DDI2: variants seen among roughly 807,000 people sequenced by gnomAD.
The protein encoded by DDI2 is DDI proteasomal shuttling factor 2.
In DDI2, 5 loss-of-function variants were observed where a neutral mutation model predicts 48.1. The ratio of observed to expected loss-of-function variants is 0.10; its 90% CI spans 0.05 to 0.22. DDI2 has a LOEUF of 0.22. Among genes scored for constraint, DDI2 ranks in the 10% least tolerant of loss-of-function variants. DDI2 has a pLI of 1.00. For synonymous variants in DDI2, 205 were observed against 183.6 expected (o/e 1.12, Z -0.94); for missense variants, 285 against 506.2 (o/e 0.56, Z 4.19).
chr1:15,621,643 C>T (rs1639669260), intron 1 of DDI2, among the ~76,000 whole-genome samples: 1 of 152,180 alleles, frequency 6.6e-6, no homozygotes, highest in Non-Finnish European at 1.5e-5. Context: ...GCCTTGGCCT[C>T]CCAGAGTGCT....
At chr1:15,623,233 T>A (rs1639697353) in intron 1 of DDI2, among the ~76,000 whole-genome samples, 1 of 151,806 alleles carries the variant, frequency 6.6e-6, no homozygotes, top group Non-Finnish European at 1.5e-5. Context: ...GTGGATAGAG[T>A]CTCTTAGTGG....
chr1:15,618,002 G>A (rs1639590713), intron 1 of DDI2, among the ~76,000 whole-genome samples, 194 bp downstream of exon 1: 1 of 152,224 alleles, frequency 6.6e-6, no homozygotes, highest in Admixed American at 6.5e-5. Context: ...TCCGAGCATG[G>A]GGTGGGGTAC....
intron 1 of DDI2, among the ~76,000 whole-genome samples, chr1:15,618,337 AAG>A (rs1303816385): frequency 1.3e-5 from 2 of 151,870 alleles, no homozygotes; most frequent in East Asian, 1.9e-4. Context: ...CTTCCGGTGA[AAG>A]AAAAAGTTTA....
intron 9 of DDI2, among the ~76,000 whole-genome samples, chr1:15,657,790 G>T (rs1439597882): frequency 1.3e-5 from 2 of 152,118 alleles, no homozygotes; most frequent in Admixed American, 1.3e-4. Context: ...ATAACTGTTA[G>T]ACATCTGGTG....
chr1:15,624,639 AATTT>A (rs963221942), intron 1 of DDI2, among the ~76,000 whole-genome samples: 2 of 151,162 alleles, frequency 1.3e-5, no homozygotes, highest in Non-Finnish European at 3.0e-5. Context: ...GGCTATTTAA[AATTT>A]TTTTTTTTTA....
intron 3 of DDI2, among the ~76,000 whole-genome samples, chr1:15,632,257 A>T (rs1003459728): frequency 5.9e-5 from 9 of 152,152 alleles, no homozygotes; most frequent in African/African-American, 2.2e-4. Context: ...TTAAGTTTGC[A>T]CACTTAAATG....
intron 8 of DDI2, among the ~76,000 whole-genome samples, chr1:15,653,041 A>G (rs193147784): frequency 2.6e-5 from 4 of 152,028 alleles, no homozygotes; most frequent in Admixed American, 6.6e-5. Flanking sequence ...TAGTATTTCA[A>G]CAGATTAAGA....
intron 8 of DDI2, among the ~76,000 whole-genome samples, chr1:15,653,058 C>T (rs1640217123): frequency 6.6e-6 from 1 of 151,986 alleles, no homozygotes; most frequent in East Asian, 1.9e-4. Flanking sequence ...AAGAACAGCT[C>T]AGTCCATTGC....
At chr1:15,656,085 C>T (rs1166612231) in intron 8 of DDI2, among the ~76,000 whole-genome samples, 1 of 152,164 alleles carries the variant, frequency 6.6e-6, no homozygotes, top group African/African-American at 2.4e-5. Flanking sequence ...AAGGGATTCT[C>T]CCTCCTGGAC....
At chr1:15,637,367 AC>A (rs1160768062) in intron 4 of DDI2, among the ~76,000 whole-genome samples, 8 of 151,952 alleles carry the variant, frequency 5.3e-5, no homozygotes, top group Admixed American at 1.3e-4. Flanking sequence ...GAACCACTGC[AC>A]CTGGCATGTT....
intron 1 of DDI2, among the ~76,000 whole-genome samples, chr1:15,620,982 C>T (rs1197068913): frequency 1.3e-5 from 2 of 152,148 alleles, no homozygotes; most frequent in Non-Finnish European, 2.9e-5. Context: ...TGCACATAAG[C>T]ATATAGTTGG....
At position 15,617,612 on chromosome 1, in the gene DDI2, C is replaced by T; in HGVS notation, c.-59C>T. The stretch of plus-strand genomic sequence containing the variant: ...CAGCCAGGCCACGCCGCCGCCTCTT[C>T]CCCTGCGCCCCGCGCCCAGGCCGGG... On this transcript the variant is annotated 5_prime_UTR_variant, in exon 1 of 10. Transcript: ENST00000480945. 1 of 1,276,004 alleles carries T rather than the reference C, an allele frequency of 7.8e-7. No individual in the cohort carries two copies. The highest frequency in any genetic ancestry group is 1.0e-6 in the Non-Finnish European group (1 of 1,004,352). 79.0% of individuals were successfully genotyped at this position (1,276,004 alleles called of 1,614,324 possible). A position where few individuals can be genotyped will look rare whatever the true frequency, so the allele number is the denominator to read the frequency against.
At chr1:15,636,483 C>CAA (rs535778372) in intron 4 of DDI2, among the ~76,000 whole-genome samples, 5,066 of 142,350 alleles carry the variant, frequency 0.036, 277 homozygotes, top group African/African-American at 0.12. Flanking sequence ...TAAAACAGGG[C>CAA]AAAAAAAAAA....
In DDI2 at chr1:15,617,630, AGGCCG is replaced by A. The variant is rs765859109; in HGVS notation, c.-35_-31del. On this transcript the variant is annotated 5_prime_UTR_variant, in exon 1 of 10. Coordinates refer to ENST00000480945, the MANE Select transcript of DDI2 (RefSeq NM_032341.5). ...GCCTCTTCCCCTGCGCCCCGCGCCC[AGGCCG>A]GGCCGAGCCGAGCCGAGCCGGGTCG... The A allele has an allele frequency of 1.4e-3, 1,789 of 1,322,602 alleles. 3 individuals carry two copies. Among genetic ancestry groups the A allele is most frequent in the Non-Finnish European group, 1.6e-3 (1,665 of 1,028,052 alleles). The allele number at this position is 1,322,602 out of a possible 1,614,324, so 81.9% of individuals were successfully genotyped here.
intron 4 of DDI2, among the ~76,000 whole-genome samples, chr1:15,635,650 C>A (rs184785321): frequency 1.3e-5 from 2 of 152,170 alleles, no homozygotes; most frequent in Non-Finnish European, 2.9e-5. Flanking sequence ...GGTGATCCAC[C>A]CTCCTCATCC....
Position 15,664,933 on chromosome 1 carries a change from C to T in DDI2, c.*5143C>T, listed in dbSNP as rs1332366698. The T allele has an allele frequency of 1.3e-5, 2 of 152,208 alleles. No individual in the cohort carries two copies. The highest frequency in any genetic ancestry group is 2.9e-5 in the Non-Finnish European group (2 of 68,066). The allele number at this position is 152,208 out of a possible 1,614,324, so 9.4% of individuals were successfully genotyped here. Reference sequence around the variant, plus strand: ...GCTCCAGACAGCCAATAGCCTTCATCCCACAGTTTGGGCTTCAGCTATTAA... The same window carrying T: ...GCTCCAGACAGCCAATAGCCTTCATTCCACAGTTTGGGCTTCAGCTATTAA... On this transcript the variant is annotated 3_prime_UTR_variant, in exon 10 of 10. Transcript: ENST00000480945.
chr1:15,618,038 C>A lies in DDI2; in HGVS notation c.138+230C>A, dbSNP rs1200070326. On this transcript the variant is annotated intron_variant, in intron 1 of 9. Transcript: ENST00000480945. Reference sequence around the variant, plus strand: ...GAGGAGAGGGAGCGGAGAACCTGACCGCAGACGCACCCACTGCAGCGTGAG... The same window carrying A: ...GAGGAGAGGGAGCGGAGAACCTGACAGCAGACGCACCCACTGCAGCGTGAG... 4.6e-5 allele frequency among the ~76,000 whole-genome samples: 7 copies of A among 152,298 alleles called. No homozygotes were observed. In the East Asian group the frequency reaches 1.4e-3, roughly 29 times the overall value.
chr1:15,621,666 G>A (rs769505576), intron 1 of DDI2, among the ~76,000 whole-genome samples: 3 of 152,146 alleles, frequency 2.0e-5, no homozygotes, highest in African/African-American at 2.4e-5. Flanking sequence ...GATTACAGGC[G>A]TGAGCCACCG....
chr1:15,665,583 C>CTA lies in DDI2; in HGVS notation c.*5801_*5802dup, dbSNP rs1192937730. The stretch of plus-strand genomic sequence containing the variant: ...TTTAGGTTAACTTTTAAGCTCATGT[C>CTA]TATATATATGTGTGTAAGCTAGCAT... On this transcript the variant is annotated 3_prime_UTR_variant, in exon 10 of 10. Transcript: ENST00000480945. 1.3e-5 allele frequency: 2 copies of CTA among 152,044 alleles called. No homozygotes were observed. The highest frequency in any genetic ancestry group is 2.9e-5 in the Non-Finnish European group (2 of 68,018). 9.4% of individuals were successfully genotyped at this position (152,044 alleles called of 1,614,324 possible).
Sources: gnomAD v4.1 joint callset for allele counts (sites outside exome capture counted in the v4.1 genomes callset) on GRCh38, gnomAD v4.1.1 for gene constraint, MANE v1.5 for transcripts, NCBI Gene and HGNC (gene_info 2026-07-23, HGNC 2026-07-21) for gene names.